Variants in EXOC5 observed in about 807,000 individuals in gnomAD.
The protein encoded by EXOC5 is exocyst complex component 5.
EXOC5 carries 17 observed loss-of-function variants against 90.8 expected under a neutral mutation model. That is an observed-to-expected ratio of 0.19 (90% CI 0.13 to 0.28). The LOEUF is 0.28. Among genes scored for constraint, EXOC5 ranks in the 10% least tolerant of loss-of-function variants. The pLI, the probability that EXOC5 is intolerant of heterozygous loss-of-function variation, is 1.00. For missense variants in EXOC5, 569 were observed against 830.6 expected (o/e 0.69, Z 3.87); for synonymous variants, 260 against 270.0 (o/e 0.96, Z 0.36).
At position 57,204,720 on chromosome 14, in the gene EXOC5, G is replaced by A. The variant is rs184336097; in HGVS notation, c.*3889C>T. The A allele has an allele frequency of 3.4e-4, 51 of 152,184 alleles. No individual in the cohort carries two copies. The highest frequency in any genetic ancestry group is 2.5e-3 in the Admixed American group (38 of 15,216). The allele number at this position is 152,184 out of a possible 1,614,324, so 9.4% of individuals were successfully genotyped here. Reference sequence around the variant, plus strand: ...TTTGTGATAGACATATTTCTATTAGGTACAAACTTAACATTAAAATTTCAT... The same window carrying A: ...TTTGTGATAGACATATTTCTATTAGATACAAACTTAACATTAAAATTTCAT... On this transcript the variant is annotated 3_prime_UTR_variant, in exon 18 of 18. Coordinates refer to ENST00000621441, the MANE Select transcript of EXOC5 (RefSeq NM_006544.4).
intron 1 of EXOC5, among the ~76,000 whole-genome samples, chr14:57,249,973 T>C (rs924629048): frequency 6.6e-6 from 1 of 152,080 alleles, no homozygotes; most frequent in Non-Finnish European, 1.5e-5. Context: ...GGTTTCTCCA[T>C]GTTGGTCAGG....
intron 12 of EXOC5, among the ~76,000 whole-genome samples, chr14:57,223,904 A>G (rs1340181312): frequency 2.0e-5 from 3 of 152,236 alleles, no homozygotes; most frequent in Non-Finnish European, 4.4e-5. Context: ...AATCAGTAAC[A>G]GAAAGACATC....
At chr14:57,257,036 C>T (rs1234730430) in intron 1 of EXOC5, among the ~76,000 whole-genome samples, 3 of 152,168 alleles carry the variant, frequency 2.0e-5, no homozygotes, top group African/African-American at 4.8e-5. Flanking sequence ...ACCTGCAACA[C>T]CTTAGTAGTC....
intron 4 of EXOC5, among the ~76,000 whole-genome samples, chr14:57,243,958 G>A (rs1393569664): frequency 6.6e-6 from 1 of 151,976 alleles, no homozygotes; most frequent in Non-Finnish European, 1.5e-5. Flanking sequence ...AAAAATGCCA[G>A]GAAACCCAAT....
intron 4 of EXOC5, among the ~76,000 whole-genome samples, chr14:57,242,595 A>G (rs962434362): frequency 6.6e-6 from 1 of 152,220 alleles, no homozygotes; most frequent in Non-Finnish European, 1.5e-5. Flanking sequence ...GGGGGAAAGA[A>G]GGAAAAGAAT....
In EXOC5 at chr14:57,246,028, C is replaced by T. The variant is rs577921890; in HGVS notation, c.270+683G>A. ...ACACACCACTGCACTCCAGCCTGGG[C>T]GACAGAGTAAAACTCTGTCTTAAAA... is the stretch of plus-strand genomic sequence containing the variant. On this transcript the variant is annotated intron_variant, in intron 3 of 17. Coordinates refer to ENST00000621441, the MANE Select transcript of EXOC5 (RefSeq NM_006544.4). Among the ~76,000 whole-genome samples the T allele has an allele frequency of 4.6e-5, 7 of 151,326 alleles. No homozygotes were observed. In the East Asian group the frequency reaches 5.8e-4, roughly 13 times the overall value.
intron 1 of EXOC5, among the ~76,000 whole-genome samples, chr14:57,259,189 C>T (rs946465139): frequency 1.4e-4 from 22 of 152,008 alleles, no homozygotes; most frequent in Admixed American, 4.6e-4. Context: ...GGCTCCGCCT[C>T]CTGGGTTCAA....
intron 1 of EXOC5, among the ~76,000 whole-genome samples, chr14:57,252,330 A>G (rs1884220458): frequency 6.6e-6 from 1 of 152,214 alleles, no homozygotes; most frequent in Non-Finnish European, 1.5e-5. Flanking sequence ...GCCAAATTCC[A>G]TAGCATTATT....
rs558913446 is a variant in EXOC5, at chr14:57,236,919, A to G, written c.559+419T>C. Among the ~76,000 whole-genome samples, 339 of 152,188 alleles carry G rather than the reference A, an allele frequency of 2.2e-3. 1 individual carries two copies. Among genetic ancestry groups the G allele is most frequent in the African/African-American group, 6.9e-3 (286 of 41,492 alleles). On this transcript the variant is annotated intron_variant, in intron 6 of 17. Coordinates refer to ENST00000621441, the MANE Select transcript of EXOC5 (RefSeq NM_006544.4). ...ATGCTTATATAATCTTAAAAAAAAA[A>G]AGAGAGAATCTTATTCAGAGATAGA...
chr14:57,241,386 T>C (rs569703715), intron 4 of EXOC5, among the ~76,000 whole-genome samples: 9 of 152,300 alleles, frequency 5.9e-5, no homozygotes, highest in African/African-American at 2.2e-4. Context: ...CACCATGCCA[T>C]TTAGTTGTAT....
intron 1 of EXOC5, among the ~76,000 whole-genome samples, chr14:57,259,233 G>T (rs1229544753): frequency 6.6e-6 from 1 of 152,012 alleles, no homozygotes; most frequent in Non-Finnish European, 1.5e-5. Context: ...TGAGTAGCTG[G>T]TATTACAAGT....
At chr14:57,245,447 TAC>T (rs1884006258) in intron 3 of EXOC5, among the ~76,000 whole-genome samples, 1 of 152,188 alleles carries the variant, frequency 6.6e-6, no homozygotes, top group African/African-American at 2.4e-5. Context: ...TGCTTGAGAT[TAC>T]ACAGTTCATA....
chr14:57,210,097 C>A, intron 15 of EXOC5, 36 bp from the exon 16 acceptor site: 3 of 897,296 alleles, frequency 3.3e-6, no homozygotes, highest in Admixed American at 2.1e-5. Flanking sequence ...TTTAACCCAT[C>A]TAACTTACTC....
chr14:57,211,422 T>C (rs958945449), intron 15 of EXOC5, among the ~76,000 whole-genome samples: 3 of 129,644 alleles, frequency 2.3e-5, no homozygotes, highest in African/African-American at 1.5e-4. Flanking sequence ...AATATGGAAA[T>C]CTTCAAAGTC....
intron 1 of EXOC5, among the ~76,000 whole-genome samples, chr14:57,248,117 T>C (rs900661682): frequency 5.9e-5 from 9 of 151,294 alleles, no homozygotes; most frequent in African/African-American, 2.2e-4. Flanking sequence ...TTAATTATAA[T>C]GAGCAAGGCA....
chr14:57,214,037 G>T (rs1882902125), intron 15 of EXOC5, among the ~76,000 whole-genome samples: 1 of 152,076 alleles, frequency 6.6e-6, no homozygotes, highest in Non-Finnish European at 1.5e-5. Flanking sequence ...AACCTCAGGG[G>T]TATCTGTAGG....
chr14:57,225,437 C>T (rs1883276963), intron 12 of EXOC5, among the ~76,000 whole-genome samples: 1 of 152,064 alleles, frequency 6.6e-6, no homozygotes, highest in African/African-American at 2.4e-5. Context: ...AGTGTTCACT[C>T]TCATCACTTC....
rs1883169657 is a variant in EXOC5, at chr14:57,222,342, C to G, written c.1371G>C (p.Glu457Asp). 6.3e-7 allele frequency: 1 copy of G among 1,590,658 alleles called. No individual in the cohort carries two copies. Among genetic ancestry groups the G allele is most frequent in the Non-Finnish European group, 8.6e-7 (1 of 1,163,308 alleles). Residue 457 changes from glutamate (E) to aspartate (D), a missense_variant, in exon 13 of 18, where the codon GAG becomes GAC. Glu to Asp is a conservative substitution (Grantham distance 45). Around this residue, in one of 9 missense-constraint regions of EXOC5, gnomAD observed 56 missense variants for 51.1 expected, o/e 1.10. Transcript: ENST00000621441. ...CTGTTTCCAAAGCATAATCAATATG[C>G]TCAATACATAAAAATTCCACAAGAA... The part of the protein sequence containing the change: ...FTILVEFLCI[E>D]HIDYALETGL...
chr14:57,268,795 G>C lies in EXOC5; in HGVS notation c.-147C>G. 7.1e-7 allele frequency: 1 copy of C among 1,408,442 alleles called. No homozygotes were observed. The highest frequency in any genetic ancestry group is 9.2e-7 in the Non-Finnish European group (1 of 1,088,492). The allele number at this position is 1,408,442 out of a possible 1,614,324, so 87.2% of individuals were successfully genotyped here. A position where few individuals can be genotyped will look rare whatever the true frequency, so the allele number is the denominator to read the frequency against. ...GCTCCCCAGCTCCCCACAGATCCCA[G>C]GAGGGGCGGGAGAGCGGCCATGAAG... On this transcript the variant is annotated 5_prime_UTR_variant, in exon 1 of 18. Transcript: ENST00000621441.
Sources: gnomAD v4.1 joint callset for allele counts (sites outside exome capture counted in the v4.1 genomes callset) on GRCh38, gnomAD v4.1.1 for gene constraint, gnomAD v4.1.1 regional missense constraint, MANE v1.5 for transcripts, NCBI Gene and HGNC (gene_info 2026-07-23, HGNC 2026-07-21) for gene names.